Variants in CLSTN2 observed in about 807,000 individuals in gnomAD.
The protein encoded by CLSTN2 is calsyntenin-2.
A neutral mutation model predicts 101.2 loss-of-function variants in CLSTN2; 48 were observed. The ratio of observed to expected loss-of-function variants is 0.47; its 90% CI spans 0.38 to 0.60. The LOEUF is 0.60. Among genes scored for constraint, CLSTN2 ranks in the 20% least tolerant of loss-of-function variants. The probability of loss-of-function intolerance (pLI) is 0.00; values close to 1 mark genes in which losing one functional copy is unlikely to be tolerated. For synonymous variants in CLSTN2, 481 were observed against 463.6 expected (o/e 1.04, Z -0.48); for missense variants, 1,160 against 1,238.2 (o/e 0.94, Z 0.95).
At chr3:140,274,355 G>T (rs1345037011) in intron 2 of CLSTN2, among the ~76,000 whole-genome samples, 2 of 152,146 alleles carry the variant, frequency 1.3e-5, no homozygotes, top group African/African-American at 2.4e-5. Flanking sequence ...TATGAGGGAG[G>T]CTGGACCAGC....
At chr3:140,235,173 C>T (rs1033040010) in intron 2 of CLSTN2, among the ~76,000 whole-genome samples, 34 of 152,150 alleles carry the variant, frequency 2.2e-4, no homozygotes, top group Non-Finnish European at 3.4e-4. Context: ...AAAATATATT[C>T]GTTGTGTCCT....
chr3:140,281,193 A>G (rs2086843550), intron 2 of CLSTN2, among the ~76,000 whole-genome samples: 1 of 152,190 alleles, frequency 6.6e-6, no homozygotes. Context: ...GCACATCACT[A>G]CCTATTAAAA....
chr3:140,022,457 G>A (rs779169245), intron 1 of CLSTN2, among the ~76,000 whole-genome samples: 1 of 152,222 alleles, frequency 6.6e-6, no homozygotes, highest in South Asian at 2.1e-4. Flanking sequence ...CCAGGAGAGG[G>A]GTCCACTGAA....
chr3:140,210,194 G>T (rs1381564968), intron 2 of CLSTN2, among the ~76,000 whole-genome samples: 2 of 152,192 alleles, frequency 1.3e-5, no homozygotes, highest in Middle Eastern at 3.2e-3. Context: ...GAGGCACAAA[G>T]AACTCGCTGT....
At chr3:140,094,569 A>C (rs2008836381) in intron 1 of CLSTN2, among the ~76,000 whole-genome samples, 1 of 152,212 alleles carries the variant, frequency 6.6e-6, no homozygotes, top group African/African-American at 2.4e-5. Context: ...AGAGGGAAGA[A>C]AGGAAAAAAA....
intron 1 of CLSTN2, among the ~76,000 whole-genome samples, chr3:139,937,258 A>G (rs1470191062): frequency 6.6e-6 from 1 of 152,206 alleles, no homozygotes; most frequent in African/African-American, 2.4e-5. Flanking sequence ...TGTGAGTAGT[A>G]ATAATGCACG....
At chr3:140,478,596 A>G (rs887782819) in intron 8 of CLSTN2, among the ~76,000 whole-genome samples, 4 of 152,232 alleles carry the variant, frequency 2.6e-5, no homozygotes, top group African/African-American at 9.6e-5. Context: ...GTGGAAATCA[A>G]CTGCAAATGA....
chr3:139,981,712 G>T (rs1576385258), intron 1 of CLSTN2, among the ~76,000 whole-genome samples: 1 of 152,310 alleles, frequency 6.6e-6, no homozygotes, highest in African/African-American at 2.4e-5. Context: ...TAGCTGCTTT[G>T]TGAGGCAAGG....
At chr3:139,951,030 T>C (rs927561345) in intron 1 of CLSTN2, among the ~76,000 whole-genome samples, 1 of 152,210 alleles carries the variant, frequency 6.6e-6, no homozygotes, top group Non-Finnish European at 1.5e-5. Context: ...CCTCAATTCA[T>C]AGGATGGTTG....
At chr3:140,125,348 A>T (rs2009412713) in intron 1 of CLSTN2, among the ~76,000 whole-genome samples, 1 of 152,132 alleles carries the variant, frequency 6.6e-6, no homozygotes, top group Non-Finnish European at 1.5e-5. Context: ...ACAGGAGCAA[A>T]GCCCACAAAT....
intron 1 of CLSTN2, among the ~76,000 whole-genome samples, chr3:140,171,449 C>T (rs1308902701): frequency 6.6e-6 from 1 of 151,392 alleles, no homozygotes; most frequent in Non-Finnish European, 1.5e-5. Flanking sequence ...TTGAGTCTGC[C>T]ACTGCTCCTG....
intron 1 of CLSTN2, among the ~76,000 whole-genome samples, chr3:139,979,570 T>C (rs142767542): frequency 4.8e-4 from 73 of 152,242 alleles, no homozygotes; most frequent in African/African-American, 1.6e-3. Context: ...TAAGTCCAGG[T>C]TCCTATAGAG....
intron 2 of CLSTN2, among the ~76,000 whole-genome samples, chr3:140,224,656 A>C (rs2086303325): frequency 6.6e-6 from 1 of 152,214 alleles, no homozygotes; most frequent in Admixed American, 6.5e-5. Flanking sequence ...TCATATAATC[A>C]GTCATAACCA....
chr3:140,544,678 A>G (rs1316791534), intron 9 of CLSTN2, among the ~76,000 whole-genome samples: 1 of 149,338 alleles, frequency 6.7e-6, no homozygotes, highest in Non-Finnish European at 1.5e-5. Flanking sequence ...GGTGAAGGGT[A>G]TGTTAAAATG....
intron 5 of CLSTN2, among the ~76,000 whole-genome samples, chr3:140,447,794 C>T (rs1001579325): frequency 6.6e-6 from 1 of 152,076 alleles, no homozygotes; most frequent in South Asian, 2.1e-4. Context: ...AAAATGTCAT[C>T]GGTGGCACAT....
intron 1 of CLSTN2, among the ~76,000 whole-genome samples, chr3:139,954,977 T>C (rs1406123760): frequency 6.6e-6 from 1 of 151,750 alleles, no homozygotes; most frequent in Non-Finnish European, 1.5e-5. Context: ...TTAGTATCTT[T>C]TACTTTTTTG....
chr3:140,013,475 G>A (rs1486463132), intron 1 of CLSTN2, among the ~76,000 whole-genome samples: 3 of 152,170 alleles, frequency 2.0e-5, no homozygotes, highest in East Asian at 1.9e-4. Flanking sequence ...AAAGCAGTGC[G>A]TGGAGACAGG....
chr3:140,347,782 A>G (rs2087564186), intron 2 of CLSTN2, among the ~76,000 whole-genome samples: 1 of 152,206 alleles, frequency 6.6e-6, no homozygotes, highest in South Asian at 2.1e-4. Flanking sequence ...CTTTTCAGGG[A>G]AAAATGCATA....
At chr3:140,441,701 C>T (rs925752120) in intron 5 of CLSTN2, among the ~76,000 whole-genome samples, 2 of 152,310 alleles carry the variant, frequency 1.3e-5, no homozygotes, top group Admixed American at 6.5e-5. Flanking sequence ...CTAGAGGCCA[C>T]GCAGAGAGAG....
Sources: gnomAD v4.1 joint callset for allele counts (sites outside exome capture counted in the v4.1 genomes callset) on GRCh38, gnomAD v4.1.1 for gene constraint, MANE v1.5 for transcripts, NCBI Gene and HGNC (gene_info 2026-07-23, HGNC 2026-07-21) for gene names.